The following CHRM3 variants were observed in gnomAD, a reference collection of about 807,000 sequenced individuals.
CHRM3 encodes muscarinic acetylcholine receptor M3.
A neutral mutation model predicts 41.8 loss-of-function variants in CHRM3; 11 were observed. That is an observed-to-expected ratio of 0.26 (90% CI 0.17 to 0.44). The LOEUF (loss-of-function observed/expected upper bound fraction) is 0.44. CHRM3 is among the 20% of genes least tolerant of loss of function. The pLI is 1.00. For missense variants in CHRM3, 571 were observed against 745.4 expected (o/e 0.77, Z 2.72); for synonymous variants, 297 against 301.4 (o/e 0.99, Z 0.15).
intron 5 of CHRM3, among the ~76,000 whole-genome samples, chr1:239,706,748 C>G (rs958941343): frequency 3.3e-5 from 5 of 150,794 alleles, no homozygotes; most frequent in Non-Finnish European, 7.4e-5. Flanking sequence ...AGGCATGCAC[C>G]CCCACACCCA....
chr1:239,464,051 C>T (rs574246564), intron 1 of CHRM3, among the ~76,000 whole-genome samples: 13 of 152,092 alleles, frequency 8.5e-5, no homozygotes, highest in African/African-American at 2.2e-4. Flanking sequence ...CCAAGGTGGG[C>T]GGATCACTTG....
At chr1:239,446,544 A>G (rs1172838470) in intron 1 of CHRM3, among the ~76,000 whole-genome samples, 2 of 152,176 alleles carry the variant, frequency 1.3e-5, no homozygotes, top group African/African-American at 4.8e-5. Context: ...TGCAAATTAA[A>G]TCCATCATGA....
chr1:239,404,410 A>AAGAAAAAGAAAGAAAGAAGG (rs1210507333), intron 1 of CHRM3, among the ~76,000 whole-genome samples: 2 of 51,754 alleles, frequency 3.9e-5, no homozygotes, highest in African/African-American at 1.3e-4. Flanking sequence ...GAAAGAAAGA[A>AAGAAAAAGAAAGAAAGAAGG]AAAGAAAGAA....
intron 2 of CHRM3, among the ~76,000 whole-genome samples, chr1:239,531,826 A>AT (rs535143781): frequency 1.8e-3 from 259 of 147,518 alleles, no homozygotes; most frequent in Admixed American, 2.9e-3. Context: ...CACCCGGCTA[A>AT]TTTTTTGTAT....
At chr1:239,842,799 T>A (rs530501069) in intron 6 of CHRM3, among the ~76,000 whole-genome samples, 10 of 151,972 alleles carry the variant, frequency 6.6e-5, no homozygotes, top group Non-Finnish European at 1.5e-4. Context: ...TTTGAAAAAA[T>A]GTTAAAATGA....
At chr1:239,571,351 A>G (rs749865127) in intron 3 of CHRM3, among the ~76,000 whole-genome samples, 1 of 152,184 alleles carries the variant, frequency 6.6e-6, no homozygotes, top group Non-Finnish European at 1.5e-5. Context: ...ATTTCCCAGA[A>G]CTAGAAGATA....
intron 6 of CHRM3, among the ~76,000 whole-genome samples, chr1:239,839,879 G>A (rs1673647604): frequency 6.6e-6 from 1 of 152,084 alleles, no homozygotes; most frequent in Admixed American, 6.5e-5. Context: ...AAGAAAGGAA[G>A]AAAGGAAGGT....
chr1:239,836,419 T>C (rs1468314793), intron 6 of CHRM3, among the ~76,000 whole-genome samples: 2 of 152,194 alleles, frequency 1.3e-5, no homozygotes, highest in Non-Finnish European at 2.9e-5. Context: ...TAAATGTATT[T>C]CAATTGATAA....
intron 3 of CHRM3, among the ~76,000 whole-genome samples, chr1:239,611,633 A>T (rs370952517): frequency 4.6e-5 from 7 of 152,032 alleles, no homozygotes; most frequent in Non-Finnish European, 1.5e-5. Flanking sequence ...GTTGGCCAGG[A>T]TGGTCTTGAT....
chr1:239,736,152 C>T (rs1379072496), intron 5 of CHRM3, among the ~76,000 whole-genome samples: 1 of 151,946 alleles, frequency 6.6e-6, no homozygotes, highest in Non-Finnish European at 1.5e-5. Flanking sequence ...ATATTAACAC[C>T]TTTAATCTTC....
chr1:239,514,287 T>C (rs112328694), intron 2 of CHRM3, among the ~76,000 whole-genome samples: 48 of 152,078 alleles, frequency 3.2e-4, no homozygotes, highest in African/African-American at 1.1e-3. Flanking sequence ...TCTCCATTTA[T>C]AGTTCTTTGA....
At chr1:239,547,127 G>A (rs976236515) in intron 3 of CHRM3, among the ~76,000 whole-genome samples, 23 of 152,134 alleles carry the variant, frequency 1.5e-4, no homozygotes, top group Non-Finnish European at 1.8e-4. Flanking sequence ...TCTGTTACAT[G>A]AATAAAATTT....
intron 1 of CHRM3, among the ~76,000 whole-genome samples, chr1:239,408,672 G>T (rs926251586): frequency 6.6e-6 from 1 of 152,074 alleles, no homozygotes; most frequent in African/African-American, 2.4e-5. Context: ...TAATAGATGG[G>T]GTCTCAATCT....
chr1:239,573,005 T>A (rs1350330093), intron 3 of CHRM3, among the ~76,000 whole-genome samples: 1 of 152,196 alleles, frequency 6.6e-6, no homozygotes, highest in Non-Finnish European at 1.5e-5. Flanking sequence ...ATCCTATTCA[T>A]CCCTAAGCTT....
intron 1 of CHRM3, among the ~76,000 whole-genome samples, chr1:239,467,312 T>G (rs1412655426): frequency 6.6e-6 from 1 of 151,980 alleles, no homozygotes; most frequent in Non-Finnish European, 1.5e-5. Flanking sequence ...CTCTAGTTCT[T>G]TTTTTTTGAG....
At chr1:239,754,834 C>A (rs1421437608) in intron 5 of CHRM3, among the ~76,000 whole-genome samples, 1 of 152,046 alleles carries the variant, frequency 6.6e-6, no homozygotes, top group East Asian at 1.9e-4. Context: ...ACGGTCTAGT[C>A]CTCTAGAGGC....
intron 4 of CHRM3, among the ~76,000 whole-genome samples, chr1:239,670,772 C>CCCA (rs1553359339): frequency 4.5e-5 from 1 of 22,100 alleles, no homozygotes; most frequent in African/African-American, 2.0e-4. Flanking sequence ...AGGTGATCTA[C>CCCA]CCCCCCCACC....
intron 2 of CHRM3, among the ~76,000 whole-genome samples, chr1:239,537,507 G>A (rs1198415945): frequency 6.6e-6 from 1 of 152,024 alleles, no homozygotes; most frequent in Non-Finnish European, 1.5e-5. Flanking sequence ...CTCCCACCAG[G>A]CCCCACCTGC....
intron 6 of CHRM3, among the ~76,000 whole-genome samples, chr1:239,903,300 T>G (rs1403172942): frequency 1.3e-5 from 2 of 152,236 alleles, no homozygotes; most frequent in Non-Finnish European, 2.9e-5. Context: ...AAATTGCTGT[T>G]GAATGTATAC....
Sources: allele counts gnomAD v4.1 joint callset (sites outside exome capture counted in the v4.1 genomes callset), GRCh38; gene constraint gnomAD v4.1.1; transcripts MANE v1.5; gene names NCBI Gene and HGNC (gene_info 2026-07-23, HGNC 2026-07-21).